The following ZNF536 variants were observed in gnomAD, a reference collection of about 807,000 sequenced individuals.
ZNF536 encodes zinc finger protein 536.
Under a neutral mutation model 84.5 loss-of-function variants are expected in ZNF536, and 13 were observed. The observed-to-expected ratio is 0.15, with a 90% confidence interval of 0.10 to 0.24. ZNF536 has a LOEUF of 0.24. ZNF536 is among the 10% of genes least tolerant of loss of function. The pLI is 1.00. For missense variants in ZNF536, 1,536 were observed against 1,747.5 expected, an observed-to-expected ratio of 0.88 and a Z score of 2.16; for synonymous variants, 811 against 742.5, an observed-to-expected ratio of 1.09 and a Z score of -1.50.
At chr19:30,244,583 C>T (rs897357836) in intron 1 of ZNF536, among the ~76,000 whole-genome samples, 2 of 152,286 alleles carry the variant, frequency 1.3e-5, no homozygotes, top group South Asian at 2.1e-4. Flanking sequence ...AGAAGAATTT[C>T]GAAACTCAGA....
chr19:30,549,383 C>T lies in ZNF536; in HGVS notation c.3764C>T (p.Pro1255Leu), dbSNP rs2146254106. Reference protein sequence around the residue: ...LAGLPKPERGPQSLDKPMNML... With the variant: ...LAGLPKPERGLQSLDKPMNML... ...GGCCTGCCAAAGCCGGAGCGGGGGC[C>T]CCAGAGCCTGGACAAGCCGATGAAC... The change falls in exon 4 of 5, where the codon CCC becomes CTC. Residue 1255 changes from proline to leucine, a missense_variant. Physicochemically the swap from Pro to Leu is moderately conservative, Grantham distance 98 (BLOSUM62 -3). Transcript: ENST00000355537. 3 of 1,598,590 alleles carry T rather than the reference C, an allele frequency of 1.9e-6. No individual in the cohort carries two copies.
chr19:30,632,124 A>T (rs2048908628), intron 1 of ZNF536, among the ~76,000 whole-genome samples: 3 of 152,124 alleles, frequency 2.0e-5, no homozygotes, highest in Admixed American at 2.0e-4. Flanking sequence ...GAAACTATTA[A>T]CTGTGAGTAA....
rs1568650184 is a variant in ZNF536, at chr19:30,664,204, T to TC, written c.170-46553_170-46552insC. On this transcript the variant is annotated intron_variant, in intron 1 of 1. Coordinates refer to the ZNF536 transcript ENST00000592773. ...TATCTAGAGGAATTCTTGCTGAGTT[T>TC]TCTCTCTCTCTCTCTCTCTCTCTCT... Among the ~76,000 whole-genome samples, 6 of 90,718 alleles carry TC rather than the reference T, an allele frequency of 6.6e-5. 1 individual carries two copies. The highest frequency in any genetic ancestry group is 1.1e-4 in the Non-Finnish European group (5 of 47,088). 59.5% of individuals were successfully genotyped at this position (90,718 alleles called of 152,430 possible).
At chr19:30,578,288 G>A (rs1346091170) in intron 1 of ZNF536, among the ~76,000 whole-genome samples, 1 of 152,222 alleles carries the variant, frequency 6.6e-6, no homozygotes. Flanking sequence ...TCACTAGAGA[G>A]GGTTTCCTAG....
intron 1 of ZNF536, among the ~76,000 whole-genome samples, chr19:30,642,642 C>A (rs2049308013): frequency 6.6e-6 from 1 of 152,152 alleles, no homozygotes; most frequent in African/African-American, 2.4e-5. Context: ...AAATTTTGAT[C>A]ATCAGAAGTG....
chr19:30,526,086 G>A (rs1431872923), intron 2 of ZNF536, among the ~76,000 whole-genome samples: 1 of 152,176 alleles, frequency 6.6e-6, no homozygotes, highest in Admixed American at 6.5e-5. Context: ...TCAGCGACAC[G>A]AATGGTCTCT....
chr19:30,544,644 T>C (rs1298361083), intron 3 of ZNF536, among the ~76,000 whole-genome samples: 1 of 152,174 alleles, frequency 6.6e-6, no homozygotes, highest in East Asian at 1.9e-4. Context: ...TTACTCAGTT[T>C]CCAGGGTCAA....
At chr19:30,628,729 C>T (rs1022218412) in intron 1 of ZNF536, among the ~76,000 whole-genome samples, 13 of 152,202 alleles carry the variant, frequency 8.5e-5, no homozygotes, top group Admixed American at 2.6e-4. Flanking sequence ...GACGGAGTCT[C>T]GCTTTGGAGC....
intron 2 of ZNF536, among the ~76,000 whole-genome samples, chr19:30,457,843 G>T (rs1258375167): frequency 1.3e-5 from 2 of 152,164 alleles, no homozygotes; most frequent in Admixed American, 1.3e-4. Context: ...AGGGGCTCTG[G>T]GTGTCTCATG....
intron 1 of ZNF536, among the ~76,000 whole-genome samples, chr19:30,664,928 T>A (rs2050260849): frequency 6.6e-6 from 1 of 152,192 alleles, no homozygotes; most frequent in African/African-American, 2.4e-5. Flanking sequence ...TTTATCTTCC[T>A]ATAAATAGGT....
chr19:30,255,778 T>C (rs1230288093), intron 1 of ZNF536, among the ~76,000 whole-genome samples: 1 of 152,258 alleles, frequency 6.6e-6, no homozygotes, highest in Admixed American at 6.5e-5. Context: ...TCAGTGATTG[T>C]AGGGTGCAGG....
At chr19:30,705,871 T>C (rs1420564341) in intron 1 of ZNF536, among the ~76,000 whole-genome samples, 1 of 152,236 alleles carries the variant, frequency 6.6e-6, no homozygotes, top group Non-Finnish European at 1.5e-5. Flanking sequence ...CAGTGAAGTA[T>C]CCAAATCTGC....
chr19:30,433,641 G>A (rs994474570), intron 1 of ZNF536, among the ~76,000 whole-genome samples: 10 of 152,184 alleles, frequency 6.6e-5, no homozygotes, highest in African/African-American at 2.4e-4. Flanking sequence ...GGGATTACAG[G>A]CATGTGCCAC....
intron 1 of ZNF536, among the ~76,000 whole-genome samples, chr19:30,564,646 C>T (rs1803050013): frequency 6.6e-6 from 1 of 152,142 alleles, no homozygotes; most frequent in African/African-American, 2.4e-5. Context: ...CGGGCTGGAG[C>T]TCCAGCAGTG....
At chr19:30,498,250 A>T (rs939071990) in intron 2 of ZNF536, among the ~76,000 whole-genome samples, 1 of 152,232 alleles carries the variant, frequency 6.6e-6, no homozygotes, top group Non-Finnish European at 1.5e-5. Flanking sequence ...ATGGAATACT[A>T]TGCAGCCATA....
intron 2 of ZNF536, among the ~76,000 whole-genome samples, chr19:30,452,155 A>G (rs750795105): frequency 1.5e-4 from 23 of 152,198 alleles, no homozygotes; most frequent in Non-Finnish European, 2.8e-4. Flanking sequence ...ACCCACTCCC[A>G]TGCTTACCAT....
At chr19:30,513,831 A>T (rs2055520083) in intron 2 of ZNF536, among the ~76,000 whole-genome samples, 1 of 152,176 alleles carries the variant, frequency 6.6e-6, no homozygotes, top group Non-Finnish European at 1.5e-5. Flanking sequence ...GGATGTGTGA[A>T]TGCTAGAACA....
At chr19:30,396,709 A>T (rs2049837327) in intron 1 of ZNF536, among the ~76,000 whole-genome samples, 1 of 150,044 alleles carries the variant, frequency 6.7e-6, no homozygotes, top group Non-Finnish European at 1.5e-5. Context: ...GGTTCAAGTG[A>T]TTCTCCTGCC....
chr19:30,283,183 T>A (rs533910787), intron 1 of ZNF536, among the ~76,000 whole-genome samples: 1 of 152,204 alleles, frequency 6.6e-6, no homozygotes, highest in East Asian at 1.9e-4. Flanking sequence ...ACAACTTCAC[T>A]TTCAGTAAAA....
Sources: gnomAD v4.1 joint callset for allele counts (sites outside exome capture counted in the v4.1 genomes callset) on GRCh38, gnomAD v4.1.1 for gene constraint, MANE v1.5 for transcripts, NCBI Gene and HGNC (gene_info 2026-07-23, HGNC 2026-07-21) for gene names.